Variants in DNAH12 observed in about 807,000 individuals in gnomAD.
DNAH12 encodes the protein dynein axonemal heavy chain 12, also known as axonemal beta dynein heavy chain 12.
DNAH12 carries 285 observed loss-of-function variants against 371.5 expected under a neutral mutation model. That is an observed-to-expected ratio of 0.77 (90% CI 0.70 to 0.85). The LOEUF is 0.85. DNAH12 is among the 40% of genes least tolerant of loss of function. The pLI, the probability that DNAH12 is intolerant of heterozygous loss-of-function variation, is 0.00. For synonymous variants in DNAH12, 1,200 were observed against 1,213.0 expected, an observed-to-expected ratio of 0.99 and a Z score of 0.22; for missense variants, 3,611 against 3,689.4, an observed-to-expected ratio of 0.98 and a Z score of 0.55.
At chr3:57,533,624 C>A (rs559306630) in intron 2 of DNAH12, among the ~76,000 whole-genome samples, 1 of 152,146 alleles carries the variant, frequency 6.6e-6, no homozygotes. Context: ...TTCTGGCCAA[C>A]GATGTGTCAA....
chr3:57,497,817 A>T (rs1485808595), intron 11 of DNAH12, among the ~76,000 whole-genome samples: 1 of 152,212 alleles, frequency 6.6e-6, no homozygotes, highest in Non-Finnish European at 1.5e-5. Flanking sequence ...TCTTTGAAAG[A>T]CATTGTTATA....
intron 39 of DNAH12, among the ~76,000 whole-genome samples, chr3:57,408,995 C>T (rs1323614798): frequency 1.3e-5 from 2 of 152,146 alleles, no homozygotes; most frequent in African/African-American, 4.8e-5. Flanking sequence ...ACAGTTTGAA[C>T]ACTAAGTTAT....
upstream of DNAH12, chr3:57,544,450 G>T (rs538005292): frequency 6.6e-6 from 1 of 152,232 alleles, no homozygotes; most frequent in Admixed American, 6.5e-5. Flanking sequence ...CAAGCTGCAA[G>T]GGGTTAGGAT....
intron 43 of DNAH12, among the ~76,000 whole-genome samples, chr3:57,398,082 A>T (rs2063782089): frequency 6.6e-6 from 1 of 152,204 alleles, no homozygotes. Context: ...ATGAGAATTA[A>T]CAAAGATATA....
chr3:57,300,828 C>T (rs1371916425), intron 70 of DNAH12, among the ~76,000 whole-genome samples: 5 of 152,076 alleles, frequency 3.3e-5, no homozygotes, highest in Admixed American at 6.5e-5. Context: ...ATTCTCCCCA[C>T]CCCATACTCC....
rs56113604 is a variant in DNAH12, at chr3:57,469,053, A to T, written c.2106-74T>A. 3,904 of 1,386,892 alleles carry T rather than the reference A, an allele frequency of 2.8e-3. 88 individuals carry two copies. The African/African-American group carries it at 0.051, about 18-fold the overall frequency. The allele number at this position is 1,386,892 out of a possible 1,614,324, so 85.9% of individuals were successfully genotyped here. On this transcript the variant is annotated intron_variant, in intron 16 of 73. Coordinates refer to ENST00000495027, the MANE Select transcript of DNAH12 (RefSeq NM_001366028.2). ...AGGGGCCTTAGAGATCCTTTAGGCTAGACCCCTTGTTTTTTAAGAGAGAAA... is the reference window on the plus strand; with the variant it reads ...AGGGGCCTTAGAGATCCTTTAGGCTTGACCCCTTGTTTTTTAAGAGAGAAA...
At chr3:57,376,796 C>T (rs2063291133) in intron 53 of DNAH12, among the ~76,000 whole-genome samples, 185 bp downstream of exon 53, 1 of 152,148 alleles carries the variant, frequency 6.6e-6, no homozygotes. Context: ...CATGTGAAAG[C>T]AATTTGTAAA....
chr3:57,411,864 A>G (rs2064217443), intron 39 of DNAH12, among the ~76,000 whole-genome samples: 1 of 152,206 alleles, frequency 6.6e-6, no homozygotes, highest in Admixed American at 6.5e-5. Flanking sequence ...AAAGTCCCAG[A>G]TTAGTCAACA....
At chr3:57,317,163 G>A (rs763239563) in intron 65 of DNAH12, among the ~76,000 whole-genome samples, 52 of 152,034 alleles carry the variant, frequency 3.4e-4, no homozygotes, top group Admixed American at 8.5e-4. Flanking sequence ...TGGCTGTTGC[G>A]TGCAGTTGAA....
At chr3:57,365,561 G>A (rs2063032861) in intron 57 of DNAH12, among the ~76,000 whole-genome samples, 1 of 151,946 alleles carries the variant, frequency 6.6e-6, no homozygotes, top group African/African-American at 2.4e-5. Flanking sequence ...CATGGCACAC[G>A]TTTACCTATG....
At chr3:57,371,940 G>GAAAAAAAAAAAAAAAAAAAA in intron 55 of DNAH12, among the ~76,000 whole-genome samples, 1 of 10,836 alleles carries the variant, frequency 9.2e-5, no homozygotes, top group South Asian at 2.4e-3. Context: ...TCTAAACTCA[G>GAAAAAAAAAAAAAAAAAAAA]CAAAAAAAAA....
intron 62 of DNAH12, among the ~76,000 whole-genome samples, chr3:57,331,014 A>G (rs541614012): frequency 1.4e-4 from 21 of 152,214 alleles, no homozygotes; most frequent in Non-Finnish European, 2.9e-4. Flanking sequence ...ACTCAATTCA[A>G]TTCAACTTAA....
At chr3:57,318,253 T>C (rs180680276) in intron 65 of DNAH12, among the ~76,000 whole-genome samples, 26 of 152,308 alleles carry the variant, frequency 1.7e-4, no homozygotes, top group Admixed American at 7.2e-4. Context: ...CGTGAAGCTT[T>C]CCTTCTAAGT....
intron 13 of DNAH12, among the ~76,000 whole-genome samples, chr3:57,475,883 A>G (rs766304564): frequency 5.3e-5 from 8 of 152,220 alleles, no homozygotes; most frequent in Non-Finnish European, 1.2e-4. Flanking sequence ...TAATTAGTAA[A>G]GGTGAATAAA....
At chr3:57,536,354 A>G (rs2069046363) in intron 2 of DNAH12, 1 of 152,156 alleles carries the variant, frequency 6.6e-6, no homozygotes, top group African/African-American at 2.4e-5. Context: ...TGCCAAAGTG[A>G]GCACTCAAAG....
Position 57,542,941 on chromosome 3 carries a change from G to A in DNAH12, c.-33-38C>T, listed in dbSNP as rs2069358516. 5.6e-5 allele frequency: 80 copies of A among 1,435,538 alleles called. 1 individual carries two copies. In the South Asian group the frequency reaches 1.2e-3, roughly 22 times the overall value. 88.9% of individuals were successfully genotyped at this position (1,435,538 alleles called of 1,614,324 possible). On this transcript the variant is annotated intron_variant, in intron 1 of 73. Coordinates refer to ENST00000495027, the MANE Select transcript of DNAH12 (RefSeq NM_001366028.2). ...AGTCCATAAAGCCATTATTATGTCAGCAAGCCTCGACACATTCATAACATA... is the reference window on the plus strand; with the variant it reads ...AGTCCATAAAGCCATTATTATGTCAACAAGCCTCGACACATTCATAACATA...
At chr3:57,530,501 T>A (rs1437533076) in intron 2 of DNAH12, 4 of 733,384 alleles carry the variant, frequency 5.5e-6, no homozygotes, top group Non-Finnish European at 9.9e-6. Context: ...GACTGCTGAT[T>A]TTGGCATTCT....
upstream of DNAH12, among the ~76,000 whole-genome samples, chr3:57,546,349 A>C (rs1427035278): frequency 1.3e-5 from 2 of 152,098 alleles, no homozygotes; most frequent in African/African-American, 4.8e-5. Context: ...AAATAACTCC[A>C]GGTGTTATCT....
At chr3:57,295,214 T>C (rs2061208425) in intron 73 of DNAH12, among the ~76,000 whole-genome samples, 1 of 152,062 alleles carries the variant, frequency 6.6e-6, no homozygotes, top group South Asian at 2.1e-4. Context: ...GTAAAGGGAA[T>C]TCAGAATCAA....
Sources: allele counts gnomAD v4.1 joint callset (sites outside exome capture counted in the v4.1 genomes callset), GRCh38; gene constraint gnomAD v4.1.1; transcripts MANE v1.5; gene names NCBI Gene and HGNC (gene_info 2026-07-23, HGNC 2026-07-21).